The following TTN variants were observed in gnomAD, a reference collection of about 807,000 sequenced individuals.
The protein encoded by TTN is connectin.
Under a neutral mutation model 3,223.0 loss-of-function variants are expected in TTN, and 1,525 were observed. The ratio of observed to expected loss-of-function variants is 0.47; its 90% CI spans 0.45 to 0.49. The LOEUF (loss-of-function observed/expected upper bound fraction) is 0.49, where lower values mean the gene tolerates loss of function less well. Among genes scored for constraint, TTN ranks in the 20% least tolerant of loss-of-function variants. TTN has a pLI of 0.00. For missense variants in TTN, 40,786 were observed against 43,424.0 expected (o/e 0.94, Z 5.40); for synonymous variants, 14,094 against 15,161.0 (o/e 0.93, Z 5.17).
Position 178,766,622 on chromosome 2 carries a change from G to C in TTN, c.9472-10C>G. 6.2e-7 allele frequency: 1 copy of C among 1,602,890 alleles called. No homozygotes were observed. The highest frequency in any genetic ancestry group is 8.5e-7 in the Non-Finnish European group (1 of 1,171,268). On this transcript the variant is annotated splice_polypyrimidine_tract_variant and intron_variant, in intron 40 of 362. Transcript: ENST00000589042. The stretch of plus-strand genomic sequence containing the variant: ...GCTGTTTCTCAATGACCTGTTGATG[G>C]AACAACATAAAAAAACAACAACAAC...
rs778795921 is a variant in TTN, at chr2:178,592,266, G to A, written c.59638C>T (p.Pro19880Ser). The A allele has an allele frequency of 5.6e-6, 9 of 1,609,908 alleles. No homozygotes were observed. In the South Asian group the frequency reaches 8.9e-5, roughly 16 times the overall value. The change falls in exon 302 of 363, where the codon CCA becomes TCA. Residue 19880 changes from proline (P) to serine (S), a missense_variant. Pro to Ser is a moderately conservative substitution (Grantham distance 74). Transcript: ENST00000589042. ...VKVLVLDKPG[P>S]PRDLEVSEIR... ...TCACTGACTTCCAGATCTCTAGGTGGCCCAGGTTTATCTAAAAAGTGTTAA... is the reference window on the plus strand; with the variant it reads ...TCACTGACTTCCAGATCTCTAGGTGACCCAGGTTTATCTAAAAAGTGTTAA...
intron 127 of TTN, among the ~76,000 whole-genome samples, chr2:178,687,231 G>A (rs2071167781): frequency 6.6e-6 from 1 of 152,138 alleles, no homozygotes; most frequent in Non-Finnish European, 1.5e-5. Context: ...TTTGGTTAAG[G>A]AGCTTATTGA....
Position 178,570,016 on chromosome 2 carries a change from A to G in TTN, c.76116T>C (p.Asn25372=). ...LRLRVTGLIE[N]HDYEFRVSAE... is the part of the protein sequence containing the mutation. ...CAGAAACTCTGAACTCATAATCGTG[A>G]TTTTCTATGAGTCCAGTTACTCTCA... Residue 25372 remains asparagine (N), a synonymous_variant, in exon 326 of 363, where the codon AAT becomes AAC. Transcript: ENST00000589042. 1 of 1,612,946 alleles carries G rather than the reference A, an allele frequency of 6.2e-7. No individual in the cohort carries two copies. Among genetic ancestry groups the G allele is most frequent in the Non-Finnish European group, 8.5e-7 (1 of 1,179,432 alleles).
chr2:178,707,772 C>T lies in TTN; in HGVS notation c.28795G>A (p.Val9599Ile), dbSNP rs887090503. 1.2e-6 allele frequency: 2 copies of T among 1,613,428 alleles called. No homozygotes were observed. The highest frequency in any genetic ancestry group is 1.7e-5 in the Admixed American group (1 of 60,010). The part of the protein sequence containing the change: ...PPVFDQHLTP[V>I]TVSEGEYVQL... ...ACGTATTCTCCTTCACTCACTGTTA[C>T]TGGAGTAAGGTGCTGATCAAATACA... The change falls in exon 100 of 363, where the codon GTA (valine) becomes ATA (isoleucine). Residue 9599 changes from valine to isoleucine, a missense_variant. Coordinates refer to ENST00000589042, the MANE Select transcript of TTN (RefSeq NM_001267550.2).
intron 292 of TTN, 78 bp from the exon 293 acceptor site, chr2:178,598,136 A>G: frequency 3.4e-6 from 5 of 1,478,234 alleles, no homozygotes; most frequent in Non-Finnish European, 4.6e-6. Flanking sequence ...CTAAAGCATC[A>G]CCAGCAGCCT....
At chr2:178,712,278 T>C (rs776031676) in intron 95 of TTN, 37 bp downstream of exon 95, 11 of 1,608,566 alleles carry the variant, frequency 6.8e-6, no homozygotes, top group East Asian at 6.7e-5. Context: ...AGATCATCGA[T>C]TGTATACAAA....
chr2:178,768,830 T>G lies in TTN; in HGVS notation c.9006A>C (p.Leu3002Phe), dbSNP rs1390008829. ...TTGATTTGATTTCCACACCATTCTT[T>G]AACCATTTGTAAGAGATGCCTTCAT... ...VNYEGISYKW[L>F]KNGVEIKSTD... Residue 3002 changes from leucine (L) to phenylalanine (F), a missense_variant, in exon 38 of 363, where the codon TTA becomes TTC. Coordinates refer to ENST00000589042, the MANE Select transcript of TTN (RefSeq NM_001267550.2). The G allele has an allele frequency of 6.2e-7, 1 of 1,614,110 alleles. No individual in the cohort carries two copies. The highest frequency in any genetic ancestry group is 2.2e-5 in the East Asian group (1 of 44,842).
chr2:178,547,532 C>T lies in TTN; in HGVS notation c.94094G>A (p.Arg31365His), dbSNP rs577262832. 3.4e-5 allele frequency: 55 copies of T among 1,613,512 alleles called. No individual in the cohort carries two copies. Among genetic ancestry groups the T allele is most frequent in the Middle Eastern group, 3.3e-4 (2 of 6,082 alleles). ...AWQLVNSSVKRTQIKVTHLTK... is the reference protein window; with the variant it reads ...AWQLVNSSVKHTQIKVTHLTK... ...GAGATGAGTGACTTTAATTTGAGTG[C>T]GCTTGACACTGGAATTGACAAGCTG... Residue 31365 changes from arginine to histidine, a missense_variant, in exon 339 of 363, where the codon CGC (arginine) becomes CAC (histidine). Arg to His is a conservative substitution (Grantham distance 29, BLOSUM62 0). Coordinates refer to ENST00000589042, the MANE Select transcript of TTN (RefSeq NM_001267550.2).
At chr2:178,540,613 T>C (rs563603097) in intron 350 of TTN, among the ~76,000 whole-genome samples, 1 of 152,210 alleles carries the variant, frequency 6.6e-6, no homozygotes, top group African/African-American at 2.4e-5. Context: ...CTGGCCAACA[T>C]GGTGAAACCG....
Position 178,573,985 on chromosome 2 carries a change from C to T in TTN, c.72147G>A (p.Leu24049=). 6.2e-7 allele frequency: 1 copy of T among 1,613,368 alleles called. No individual in the cohort carries two copies. The highest frequency in any genetic ancestry group is 2.2e-5 in the East Asian group (1 of 44,694). Residue 24049 remains leucine (L), a synonymous_variant, in exon 326 of 363, where the codon CTG becomes CTA. Coordinates refer to ENST00000589042, the MANE Select transcript of TTN (RefSeq NM_001267550.2). ...GTGGGCGGCCTGAAACATCAGCTTC[C>T]AGTCTGAATGCTTCACCTGCTTTTA... is the stretch of plus-strand genomic sequence containing the variant. The part of the protein sequence containing the change: ...VILKAGEAFR[L]EADVSGRPPP...
rs1349879607 is a variant in TTN, at chr2:178,734,443, C to A, written c.15381G>T (p.Lys5127Asn). The A allele has an allele frequency of 1.2e-6, 2 of 1,613,764 alleles. No homozygotes were observed. Among genetic ancestry groups the A allele is most frequent in the Admixed American group, 3.3e-5 (2 of 59,996 alleles). ...SSKKYRLFSQKSLVCLEIFSF... is the reference protein window; with the variant it reads ...SSKKYRLFSQNSLVCLEIFSF... The stretch of plus-strand genomic sequence containing the variant: ...AAAAGATCTCCAGACACACAAGAGA[C>A]TTCTGAGAAAACAATCTGTATTTTT... Residue 5127 changes from lysine (K) to asparagine (N), a missense_variant, in exon 52 of 363, where the codon AAG becomes AAT. Coordinates refer to ENST00000589042, the MANE Select transcript of TTN (RefSeq NM_001267550.2).
chr2:178,578,591 G>C lies in TTN; in HGVS notation c.68329+20C>G. ...AGGAATCTTGATGTAAAAGCTGTAG[G>C]ATAAGAACAAACAAAATACCTGTAA... On this transcript the variant is annotated intron_variant, in intron 321 of 362. Transcript: ENST00000589042. 1 of 1,569,528 alleles carries C rather than the reference G, an allele frequency of 6.4e-7. No homozygotes were observed. Among genetic ancestry groups the C allele is most frequent in the Non-Finnish European group, 8.7e-7 (1 of 1,144,090 alleles).
At chr2:178,804,876 G>A (rs1354152080) in intron 1 of TTN, among the ~76,000 whole-genome samples, 1 of 152,102 alleles carries the variant, frequency 6.6e-6, no homozygotes, top group African/African-American at 2.4e-5. Flanking sequence ...AGTGTAAGGG[G>A]AAATGGAAAA....
chr2:178,748,707 T>C, intron 47 of TTN: 1 of 1,612,772 alleles, frequency 6.2e-7, no homozygotes, highest in Non-Finnish European at 8.5e-7. Context: ...TGTTCAGCTC[T>C]TTTAGAAATT....
chr2:178,664,189 T>A lies in TTN; in HGVS notation c.36281-91A>T, dbSNP rs1429288517. Reference sequence around the variant, plus strand: ...TTTCAAGAACAAAAGAGCTATTTTTTTCTCCTGAGCTGAGATCAGTGGTAA... The same window carrying A: ...TTTCAAGAACAAAAGAGCTATTTTTATCTCCTGAGCTGAGATCAGTGGTAA... On this transcript the variant is annotated intron_variant, in intron 168 of 362. Coordinates refer to ENST00000589042, the MANE Select transcript of TTN (RefSeq NM_001267550.2). The A allele has an allele frequency of 2.3e-6, 3 of 1,305,748 alleles. No homozygotes were observed. In the Admixed American group the frequency reaches 7.3e-5, roughly 32 times the overall value. The allele number at this position is 1,305,748 out of a possible 1,614,324, so 80.9% of individuals were successfully genotyped here. A position where few individuals can be genotyped will look rare whatever the true frequency, so the allele number is the denominator to read the frequency against.
At chr2:178,796,906 T>C (rs1435375381) in intron 6 of TTN, among the ~76,000 whole-genome samples, 3 of 152,196 alleles carry the variant, frequency 2.0e-5, no homozygotes, top group Non-Finnish European at 4.4e-5. Flanking sequence ...CAATGAAATA[T>C]GTTTGCCTTA....
At position 178,613,170 on chromosome 2, in the gene TTN, C is replaced by A; in HGVS notation, c.49639G>T (p.Asp16547Tyr). 4 of 1,609,868 alleles carry A rather than the reference C, an allele frequency of 2.5e-6. No homozygotes were observed. Among genetic ancestry groups the A allele is most frequent in the Non-Finnish European group, 3.4e-6 (4 of 1,178,468 alleles). ...ATTATATAAATAATACCTATGGGATCCTTTATTAAGATTGGTTCAGTTGAT... is the reference window on the plus strand; with the variant it reads ...ATTATATAAATAATACCTATGGGATACTTTATTAAGATTGGTTCAGTTGAT... ...SKSTEPILIK[D>Y]PIDPPWPPGK... The change falls in exon 264 of 363, where the codon GAT becomes TAT. Residue 16547 changes from aspartate to tyrosine, a missense_variant. Coordinates refer to ENST00000589042, the MANE Select transcript of TTN (RefSeq NM_001267550.2).
At chr2:178,717,065 G>C in intron 88 of TTN, 30 bp downstream of exon 88, 1 of 1,576,930 alleles carries the variant, frequency 6.3e-7, no homozygotes, top group Non-Finnish European at 8.6e-7. Context: ...AAATGTAAAA[G>C]AGATCTTGCT....
rs1576521599 is a variant in TTN, at chr2:178,618,762, T to G, written c.46788A>C (p.Lys15596Asn). ...TMVVPYDAYP[K>N]AEAEWFKENE... ...TTTCTTTAAACCATTCAGCTTCTGC[T>G]TTGGGGTAGGCATCATATGGCACCA... Residue 15596 changes from lysine to asparagine, a missense_variant, in exon 251 of 363, where the codon AAA (lysine) becomes AAC (asparagine). Coordinates refer to ENST00000589042, the MANE Select transcript of TTN (RefSeq NM_001267550.2). 6.2e-7 allele frequency: 1 copy of G among 1,611,732 alleles called. No individual in the cohort carries two copies.
Sources: gnomAD v4.1 joint callset for allele counts (sites outside exome capture counted in the v4.1 genomes callset) on GRCh38, gnomAD v4.1.1 for gene constraint, MANE v1.5 for transcripts, NCBI Gene and HGNC (gene_info 2026-07-23, HGNC 2026-07-21) for gene names.